Variants in CCL26 observed in about 807,000 individuals in gnomAD.
CCL26 encodes C-C motif chemokine 26.
Under a neutral mutation model 10.7 loss-of-function variants are expected in CCL26, and 10 were observed. The ratio of observed to expected loss-of-function variants is 0.93; its 90% CI spans 0.57 to 1.58. The LOEUF (loss-of-function observed/expected upper bound fraction) is 1.58, where lower values mean the gene tolerates loss of function less well. Among genes scored for constraint, CCL26 ranks in the 40% most tolerant of loss-of-function variants. The probability of loss-of-function intolerance (pLI) is 0.00; values close to 1 mark genes in which losing one functional copy is unlikely to be tolerated. For missense variants in CCL26, 116 were observed against 111.0 expected, an observed-to-expected ratio of 1.05 and a Z score of -0.20; for synonymous variants, 43 against 41.4, an observed-to-expected ratio of 1.04 and a Z score of -0.15.
chr7:75,770,693 T>C (rs1318043984), intron 2 of CCL26, among the ~76,000 whole-genome samples: 3 of 152,050 alleles, frequency 2.0e-5, no homozygotes, highest in Non-Finnish European at 2.9e-5. Context: ...TTTTATTTTT[T>C]TTGAAACAGT....
chr7:75,776,530 AAGGAAGGAAGGAAGGAAGGAAGG>A (rs1802944011), upstream of CCL26, among the ~76,000 whole-genome samples: 1 of 47,604 alleles, frequency 2.1e-5, no homozygotes, highest in African/African-American at 6.6e-5. Context: ...GGAAGGAAGG[AAGGAAGGAAGGAAGGAAGGAAGG>A]AAGGAAGGAA....
intron 1 of CCL26, among the ~76,000 whole-genome samples, chr7:75,787,671 A>AAAAAAAAAAAC: frequency 1.5e-5 from 2 of 129,320 alleles, no homozygotes; most frequent in African/African-American, 2.9e-5. Context: ...AAAAAAAAAA[A>AAAAAAAAAAAC]AAAGACACAC....
At chr7:75,772,666 AAAC>A (rs1452685522), upstream of CCL26, among the ~76,000 whole-genome samples, 9 of 105,890 alleles carry the variant, frequency 8.5e-5, no homozygotes, top group Admixed American at 4.4e-4. Flanking sequence ...AAAAAAAAAA[AAAC>A]AAACAAACAA....
intron 1 of CCL26, among the ~76,000 whole-genome samples, chr7:75,777,517 A>C (rs1554528898): frequency 6.6e-6 from 1 of 152,018 alleles, no homozygotes; most frequent in African/African-American, 2.4e-5. Context: ...GGAAGCCGAG[A>C]TAGGAGGATC....
At chr7:75,782,171 T>C (rs1803079235) in intron 1 of CCL26, among the ~76,000 whole-genome samples, 1 of 152,122 alleles carries the variant, frequency 6.6e-6, no homozygotes, top group Non-Finnish European at 1.5e-5. Context: ...CTTCAATCTC[T>C]CCCTTCTCTT....
intron 2 of CCL26, 96 bp downstream of exon 2, chr7:75,771,793 G>C (rs1554528099): frequency 1.3e-6 from 1 of 781,496 alleles, no homozygotes; most frequent in East Asian, 2.5e-5. Flanking sequence ...GGGGTTTCCA[G>C]GTTCCCATCC....
chr7:75,780,787 C>T (rs188001313), intron 1 of CCL26, among the ~76,000 whole-genome samples: 28 of 152,206 alleles, frequency 1.8e-4, no homozygotes, highest in African/African-American at 6.3e-4. Flanking sequence ...TCCCCTCCTC[C>T]ACAGGCTGCT....
At chr7:75,784,464 C>A (rs182441211) in intron 1 of CCL26, among the ~76,000 whole-genome samples, 2 of 152,336 alleles carry the variant, frequency 1.3e-5, no homozygotes, top group African/African-American at 4.8e-5. Flanking sequence ...GTAACTCTTA[C>A]AGTGGAGAGT....
chr7:75,773,413 GACT>G (rs1286485306), upstream of CCL26, among the ~76,000 whole-genome samples: 2 of 150,900 alleles, frequency 1.3e-5, no homozygotes, highest in African/African-American at 4.9e-5. Context: ...GACAGACCAA[GACT>G]GTCTCAAAAA....
At chr7:75,777,689 A>C (rs965118415) in intron 1 of CCL26, among the ~76,000 whole-genome samples, 27 of 134,318 alleles carry the variant, frequency 2.0e-4, no homozygotes, top group African/African-American at 7.0e-4. Context: ...TTCAAAGCTC[A>C]GGACTACCCA....
chr7:75,772,502 C>A (rs1802847082), upstream of CCL26, among the ~76,000 whole-genome samples: 1 of 151,854 alleles, frequency 6.6e-6, no homozygotes, highest in Non-Finnish European at 1.5e-5. Flanking sequence ...ACTAAAAACA[C>A]AAAAATTGGC....
chr7:75,784,439 T>C (rs1563339903), intron 1 of CCL26, among the ~76,000 whole-genome samples: 1 of 152,206 alleles, frequency 6.6e-6, no homozygotes, highest in Non-Finnish European at 1.5e-5. Context: ...TCCTGGACCA[T>C]CACAGATGCT....
rs1554528188 is a variant in CCL26 at position 75,772,097 on chromosome 7, T to G, written c.73+7A>C. On this transcript the variant is annotated splice_region_variant and intron_variant, in intron 1 of 2. Coordinates refer to ENST00000005180, the MANE Select transcript of CCL26 (RefSeq NM_001371938.1). ...AACCCCAGGAGGGGAATGGGCCAGC[T>G]ACGTACGTGTGGCAGTTCCAAGGTG... 5.0e-6 allele frequency: 8 copies of G among 1,591,992 alleles called. No homozygotes were observed. The highest frequency in any genetic ancestry group is 2.7e-5 in the African/African-American group (2 of 74,308).
At chr7:75,776,505 C>T (rs1331026278), upstream of CCL26, among the ~76,000 whole-genome samples, 2 of 135,960 alleles carry the variant, frequency 1.5e-5, no homozygotes, top group African/African-American at 5.7e-5. Context: ...TGCATCACTG[C>T]ACTCCAAAAA....
chr7:75,769,973 C>T (rs1388205116), intron 2 of CCL26, among the ~76,000 whole-genome samples, 184 bp from the exon 3 acceptor site: 1 of 152,122 alleles, frequency 6.6e-6, no homozygotes, highest in Non-Finnish European at 1.5e-5. Context: ...TTGATTTCCA[C>T]TGGAAACTAT....
chr7:75,789,459 C>CT (rs782166200), intron 1 of CCL26, among the ~76,000 whole-genome samples: 1 of 104,278 alleles, frequency 9.6e-6, no homozygotes, highest in East Asian at 2.7e-4. Flanking sequence ...TTCTCTTTTT[C>CT]TCTTTTTTTT....
At chr7:75,786,291 A>G (rs922882862) in intron 1 of CCL26, among the ~76,000 whole-genome samples, 1 of 152,106 alleles carries the variant, frequency 6.6e-6, no homozygotes, top group Non-Finnish European at 1.5e-5. Flanking sequence ...TATTGATGGC[A>G]GTTCCACCAG....
chr7:75,777,037 C>T (rs1339725874), upstream of CCL26, among the ~76,000 whole-genome samples: 1 of 152,026 alleles, frequency 6.6e-6, no homozygotes, highest in Non-Finnish European at 1.5e-5. Context: ...TTGAGACCAG[C>T]CTGGCCAACA....
intron 2 of CCL26, among the ~76,000 whole-genome samples, chr7:75,770,807 C>G (rs1486817786): frequency 6.6e-6 from 1 of 151,908 alleles, no homozygotes; most frequent in Non-Finnish European, 1.5e-5. Flanking sequence ...TCCGGAGTAA[C>G]TGGGCTTACA....
Sources: gnomAD v4.1 joint callset for allele counts (sites outside exome capture counted in the v4.1 genomes callset) on GRCh38, gnomAD v4.1.1 for gene constraint, MANE v1.5 for transcripts, NCBI Gene and HGNC (gene_info 2026-07-23, HGNC 2026-07-21) for gene names.